Variants in GABBR2 observed in about 807,000 individuals in gnomAD.
GABBR2 encodes gamma-aminobutyric acid type B receptor subunit 2.
GABBR2 carries 23 observed loss-of-function variants against 105.6 expected under a neutral mutation model. The observed-to-expected ratio is 0.22, with a 90% CI of 0.16 to 0.31. The LOEUF is 0.31. GABBR2 is among the 10% of genes least tolerant of loss of function. The pLI is 1.00. For missense variants in GABBR2, 734 were observed against 1,245.5 expected (o/e 0.59, Z 6.18); for synonymous variants, 478 against 499.7 (o/e 0.96, Z 0.58).
At chr9:98,693,350 C>T (rs972841729) in intron 1 of GABBR2, among the ~76,000 whole-genome samples, 3 of 152,218 alleles carry the variant, frequency 2.0e-5, no homozygotes, top group Non-Finnish European at 2.9e-5. Context: ...AGATGCCATT[C>T]CCGGGCCCCT....
intron 2 of GABBR2, 73 bp from the exon 3 acceptor site, chr9:98,542,116 G>T: frequency 7.9e-7 from 1 of 1,273,626 alleles, no homozygotes; most frequent in Non-Finnish European, 1.1e-6. Flanking sequence ...TTTCCTACTG[G>T]AATAGAGACT....
intron 3 of GABBR2, among the ~76,000 whole-genome samples, chr9:98,501,238 C>T (rs550793428): frequency 8.7e-4 from 131 of 150,026 alleles, no homozygotes; most frequent in African/African-American, 3.1e-3. Context: ...GATCTGGGCT[C>T]ACTGCAATCT....
At chr9:98,363,831 G>C (rs1314545537) in intron 12 of GABBR2, among the ~76,000 whole-genome samples, 2 of 152,124 alleles carry the variant, frequency 1.3e-5, no homozygotes, top group Admixed American at 6.5e-5. Context: ...GGATCGGCTG[G>C]GGGATAAATA....
intron 1 of GABBR2, among the ~76,000 whole-genome samples, chr9:98,619,717 T>C (rs1431607270): frequency 6.6e-6 from 1 of 152,254 alleles, no homozygotes. Flanking sequence ...CTTGTTTTTC[T>C]TGCTTCTGAT....
In GABBR2 at chr9:98,496,408, C is replaced by T; in HGVS notation, c.732+5G>A. The T allele has an allele frequency of 6.3e-7, 1 of 1,583,372 alleles. No homozygotes were observed. The highest frequency in any genetic ancestry group is 8.7e-7 in the Non-Finnish European group (1 of 1,152,174). ...GCCATTCACCCTGTGGCTAGCCACA[C>T]CTACCTTCAGCTTTTTGACACTGGT... On this transcript the variant is annotated splice_donor_5th_base_variant and intron_variant, in intron 4 of 18. Coordinates refer to ENST00000259455, the MANE Select transcript of GABBR2 (RefSeq NM_005458.8).
chr9:98,495,922 G>A (rs1005767006), intron 4 of GABBR2: 1 of 161,426 alleles, frequency 6.2e-6, no homozygotes, highest in Non-Finnish European at 1.4e-5. Flanking sequence ...GTTTGAGAGA[G>A]TATGCAGAAG....
chr9:98,290,443 G>C lies in GABBR2; in HGVS notation c.*141C>G, dbSNP rs922179638. ...TCCCCCTGCCCCGTCCTGTCCACCT[G>C]AGTGCCATCCGAGTGGTCCTGAGAG... On this transcript the variant is annotated 3_prime_UTR_variant, in exon 19 of 19. Transcript: ENST00000259455. 4.3e-6 allele frequency: 2 copies of C among 467,474 alleles called. No individual in the cohort carries two copies. The highest frequency in any genetic ancestry group is 3.5e-6 in the Non-Finnish European group (1 of 283,020). The allele number at this position is 467,474 out of a possible 1,614,324, so 29.0% of individuals were successfully genotyped here.
intron 1 of GABBR2, among the ~76,000 whole-genome samples, chr9:98,605,272 A>G (rs113125302): frequency 7.2e-5 from 11 of 152,178 alleles, no homozygotes; most frequent in Non-Finnish European, 1.6e-4. Context: ...CAGAGCTTGG[A>G]GGCAACAAGG....
At chr9:98,362,055 A>G (rs971187419) in intron 13 of GABBR2, among the ~76,000 whole-genome samples, 2 of 152,158 alleles carry the variant, frequency 1.3e-5, no homozygotes, top group Non-Finnish European at 2.9e-5. Context: ...CCGAAATCCT[A>G]CCAAATAGCA....
At chr9:98,296,856 TATC>T (rs1830390653) in intron 17 of GABBR2, among the ~76,000 whole-genome samples, 1 of 151,770 alleles carries the variant, frequency 6.6e-6, no homozygotes, top group African/African-American at 2.4e-5. Flanking sequence ...TGACTGTACT[TATC>T]ATGGCTTTTG....
chr9:98,326,028 TG>T (rs1830916200), intron 13 of GABBR2, among the ~76,000 whole-genome samples: 3 of 152,298 alleles, frequency 2.0e-5, no homozygotes, highest in Admixed American at 2.0e-4. Flanking sequence ...TATGCAGCCT[TG>T]TGCGAAATTC....
rs545608191 is a variant in GABBR2 at position 98,434,548 on chromosome 9, G to A, written c.1236+19433C>T. Among the ~76,000 whole-genome samples the A allele has an allele frequency of 5.9e-5, 9 of 152,242 alleles. No individual in the cohort carries two copies. The South Asian group carries it at 6.2e-4, about 11-fold the overall frequency. On this transcript the variant is annotated intron_variant, in intron 7 of 18. Coordinates refer to ENST00000259455, the MANE Select transcript of GABBR2 (RefSeq NM_005458.8). The stretch of plus-strand genomic sequence containing the variant: ...ATCATGGCCTATTCAAGCTACTAAC[G>A]TAACCTCATAGAATAAGAAGTTGGG...
chr9:98,402,194 T>C (rs1431016123), intron 8 of GABBR2, among the ~76,000 whole-genome samples: 2 of 152,030 alleles, frequency 1.3e-5, no homozygotes, highest in Non-Finnish European at 2.9e-5. Flanking sequence ...GGTCGGTGAG[T>C]TGGAGCGGCA....
intron 1 of GABBR2, among the ~76,000 whole-genome samples, chr9:98,702,198 T>C (rs1258385412): frequency 1.3e-5 from 2 of 152,100 alleles, no homozygotes; most frequent in African/African-American, 4.8e-5. Context: ...GGTGAGCACG[T>C]GGCCTCACCC....
chr9:98,684,627 G>A (rs1273417730), intron 1 of GABBR2, among the ~76,000 whole-genome samples: 1 of 152,076 alleles, frequency 6.6e-6, no homozygotes, highest in Non-Finnish European at 1.5e-5. Flanking sequence ...CAATTCCTTG[G>A]TATATTCTGG....
intron 1 of GABBR2, among the ~76,000 whole-genome samples, chr9:98,680,088 T>C (rs930486155): frequency 3.3e-5 from 5 of 152,170 alleles, no homozygotes; most frequent in Non-Finnish European, 7.3e-5. Context: ...AACCTAGCAA[T>C]GAGTGAGGGA....
intron 17 of GABBR2, among the ~76,000 whole-genome samples, chr9:98,294,972 G>A (rs1365435481): frequency 6.6e-6 from 1 of 152,122 alleles, no homozygotes; most frequent in Non-Finnish European, 1.5e-5. Flanking sequence ...TAAAAATCAG[G>A]TTCCCACCCG....
intron 1 of GABBR2, among the ~76,000 whole-genome samples, chr9:98,582,295 G>A (rs1829013514): frequency 6.6e-6 from 1 of 152,224 alleles, no homozygotes; most frequent in Admixed American, 6.5e-5. Context: ...ATATGCCATT[G>A]TTGGTTTGAA....
intron 1 of GABBR2, among the ~76,000 whole-genome samples, chr9:98,613,209 T>C (rs1829530726): frequency 6.6e-6 from 1 of 152,018 alleles, no homozygotes; most frequent in Non-Finnish European, 1.5e-5. Context: ...GAGGCCAAGG[T>C]GAGAGGATCA....
Sources: allele counts gnomAD v4.1 joint callset (sites outside exome capture counted in the v4.1 genomes callset), GRCh38; gene constraint gnomAD v4.1.1; transcripts MANE v1.5; gene names NCBI Gene and HGNC (gene_info 2026-07-23, HGNC 2026-07-21).